Variants in UHRF2 observed in about 807,000 individuals in gnomAD.
The protein encoded by UHRF2 is E3 ubiquitin-protein ligase UHRF2.
In UHRF2, 23 loss-of-function variants were observed where a neutral mutation model predicts 96.8. That is an observed-to-expected ratio of 0.24 (90% CI 0.17 to 0.34). The LOEUF is 0.34. Ranked by LOEUF, UHRF2 falls within the 10% of genes least tolerant of loss-of-function variation. UHRF2 has a pLI of 1.00. For synonymous variants in UHRF2, 385 were observed against 332.6 expected (o/e 1.16, Z -1.72); for missense variants, 685 against 981.5 (o/e 0.70, Z 4.04).
intron 4 of UHRF2, among the ~76,000 whole-genome samples, chr9:6,466,002 C>G (rs545437194): frequency 3.9e-5 from 6 of 152,294 alleles, no homozygotes; most frequent in African/African-American, 1.2e-4. Flanking sequence ...TCACTTACTA[C>G]TGTAATATAA....
intron 1 of UHRF2, among the ~76,000 whole-genome samples, chr9:6,416,660 C>G (rs1227014094): frequency 6.6e-6 from 1 of 151,104 alleles, no homozygotes; most frequent in East Asian, 2.0e-4. Flanking sequence ...CTGCCTCAGC[C>G]TCCCGAGTAG....
intron 2 of UHRF2, among the ~76,000 whole-genome samples, chr9:6,428,963 G>A (rs904229471): frequency 1.3e-5 from 2 of 152,114 alleles, no homozygotes; most frequent in Non-Finnish European, 2.9e-5. Flanking sequence ...TCAGGAATTC[G>A]AGACCAGCCT....
intron 14 of UHRF2, among the ~76,000 whole-genome samples, chr9:6,500,932 A>G (rs896692781): frequency 6.6e-6 from 1 of 152,208 alleles, no homozygotes; most frequent in African/African-American, 2.4e-5. Context: ...CTCTATGCCC[A>G]AAGTTACTTT....
chr9:6,466,149 C>G (rs1257505670), intron 4 of UHRF2, among the ~76,000 whole-genome samples: 1 of 152,142 alleles, frequency 6.6e-6, no homozygotes, highest in Non-Finnish European at 1.5e-5. Context: ...GCCTGTAATC[C>G]TAGCACTTTG....
chr9:6,464,511 T>G (rs894191155), intron 4 of UHRF2, among the ~76,000 whole-genome samples: 18 of 152,228 alleles, frequency 1.2e-4, no homozygotes, highest in African/African-American at 4.3e-4. Flanking sequence ...AAGATACTCT[T>G]GTATTACCTT....
chr9:6,424,258 A>G (rs1820108851), intron 2 of UHRF2, among the ~76,000 whole-genome samples: 2 of 152,244 alleles, frequency 1.3e-5, no homozygotes, highest in Non-Finnish European at 2.9e-5. Context: ...TGAGCTGCTG[A>G]TAGCTCAAGG....
chr9:6,418,833 A>G (rs1479392823), intron 1 of UHRF2, among the ~76,000 whole-genome samples: 2 of 152,202 alleles, frequency 1.3e-5, no homozygotes, highest in African/African-American at 4.8e-5. Flanking sequence ...TTAAAACAAT[A>G]GAAATTTACT....
In UHRF2 at chr9:6,475,285, A is replaced by G. The variant is rs1310647219; in HGVS notation, c.864-106A>G. The G allele has an allele frequency of 1.4e-5, 8 of 588,992 alleles. No homozygotes were observed. The African/African-American group carries it at 1.5e-4, about 11-fold the overall frequency. 36.5% of individuals were successfully genotyped at this position (588,992 alleles called of 1,614,324 possible). On this transcript the variant is annotated intron_variant, in intron 4 of 15. Transcript: ENST00000276893. ...ATTGGAATAGCTCTAATCTCAATTT[A>G]TAAATAGACAGATTTCAGTGAGATT... is the stretch of plus-strand genomic sequence containing the variant.
At chr9:6,439,739 G>C (rs1367547177) in intron 3 of UHRF2, among the ~76,000 whole-genome samples, 5 of 152,104 alleles carry the variant, frequency 3.3e-5, no homozygotes. Flanking sequence ...GAATTCTTAA[G>C]TCATTTTTAA....
At chr9:6,476,785 G>A (rs528299709) in intron 5 of UHRF2, among the ~76,000 whole-genome samples, 1 of 152,006 alleles carries the variant, frequency 6.6e-6, no homozygotes, top group African/African-American at 2.4e-5. Flanking sequence ...AGCAGGGACG[G>A]GGTTTCACTG....
At chr9:6,426,604 G>T (rs1427116554) in intron 2 of UHRF2, among the ~76,000 whole-genome samples, 1 of 152,104 alleles carries the variant, frequency 6.6e-6, no homozygotes, top group Non-Finnish European at 1.5e-5. Flanking sequence ...CATATTTCTG[G>T]ATAGCTCATT....
chr9:6,444,446 C>T (rs1054324377), intron 3 of UHRF2, among the ~76,000 whole-genome samples: 17 of 152,222 alleles, frequency 1.1e-4, no homozygotes, highest in Admixed American at 3.3e-4. Flanking sequence ...TTCACCTCTT[C>T]AAACTTATAT....
Position 6,493,807 on chromosome 9 carries a change from A to G in UHRF2, c.1498-19A>G. 1 of 1,599,826 alleles carries G rather than the reference A, an allele frequency of 6.3e-7. No homozygotes were observed. The highest frequency in any genetic ancestry group is 1.1e-5 in the South Asian group (1 of 88,208). On this transcript the variant is annotated intron_variant, in intron 9 of 15. Transcript: ENST00000276893. ...TACTTGGGTTTAGCTTTCTTAATAA[A>G]GAAAATCTTCTCTGACAGGACCGAG...
At chr9:6,467,774 C>A (rs144363786) in intron 4 of UHRF2, among the ~76,000 whole-genome samples, 1 of 151,910 alleles carries the variant, frequency 6.6e-6, no homozygotes, top group Non-Finnish European at 1.5e-5. Context: ...CTTTTTAGAC[C>A]ACATAGGTAG....
chr9:6,463,185 G>T (rs2130854936), intron 4 of UHRF2, among the ~76,000 whole-genome samples: 1 of 152,138 alleles, frequency 6.6e-6, no homozygotes, highest in South Asian at 2.1e-4. Context: ...AAAGGCTGAG[G>T]CAGGAGAATC....
intron 4 of UHRF2, chr9:6,468,457 A>G (rs560064970): frequency 2.2e-6 from 1 of 456,096 alleles, no homozygotes; most frequent in East Asian, 6.9e-5. Flanking sequence ...AAGAGAACCA[A>G]CTGCGGGTAT....
At chr9:6,428,617 A>G (rs1412097306) in intron 2 of UHRF2, among the ~76,000 whole-genome samples, 2 of 125,316 alleles carry the variant, frequency 1.6e-5, no homozygotes, top group Non-Finnish European at 3.1e-5. Flanking sequence ...TGGCATGATC[A>G]TAGCTTACTG....
intron 6 of UHRF2, among the ~76,000 whole-genome samples, chr9:6,478,780 A>G (rs531318054): frequency 6.7e-4 from 102 of 152,278 alleles, no homozygotes; most frequent in African/African-American, 1.2e-3. Context: ...TGGGAAGGCA[A>G]TTGCTGTATT....
chr9:6,468,171 G>A (rs1001163817), intron 4 of UHRF2, among the ~76,000 whole-genome samples: 3 of 152,042 alleles, frequency 2.0e-5, no homozygotes, highest in Admixed American at 2.0e-4. Context: ...TATTTCTTGG[G>A]GAATGAATTG....
Sources: gnomAD v4.1 joint callset for allele counts (sites outside exome capture counted in the v4.1 genomes callset) on GRCh38, gnomAD v4.1.1 for gene constraint, MANE v1.5 for transcripts, NCBI Gene and HGNC (gene_info 2026-07-23, HGNC 2026-07-21) for gene names.